CLTC: variants seen among roughly 807,000 people sequenced by gnomAD.
CLTC encodes clathrin heavy chain 1.
CLTC carries 16 observed loss-of-function variants against 195.8 expected under a neutral mutation model. The observed-to-expected ratio is 0.08, with a 90% CI of 0.06 to 0.12. The LOEUF (loss-of-function observed/expected upper bound fraction) is 0.12. CLTC is among the 10% of genes least tolerant of loss of function. The probability of loss-of-function intolerance (pLI) is 1.00; values close to 1 mark genes in which losing one functional copy is unlikely to be tolerated. For synonymous variants in CLTC, 667 were observed against 689.4 expected, an observed-to-expected ratio of 0.97 and a Z score of 0.51; for missense variants, 796 against 2,027.0, an observed-to-expected ratio of 0.39 and a Z score of 11.66.
In CLTC at chr17:59,666,387, A is replaced by G; in HGVS notation, c.1783-93A>G. On this transcript the variant is annotated intron_variant, in intron 11 of 31. Transcript: ENST00000269122. The surrounding 1 kb of genome is among the most constrained non-coding windows in gnomAD (Gnocchi z 4.9). ...TTATAATATTCTTTTGTACTTTAACAGTTCACTATTAAACCTTAATCTGTA... is the reference window on the plus strand; with the variant it reads ...TTATAATATTCTTTTGTACTTTAACGGTTCACTATTAAACCTTAATCTGTA... The G allele has an allele frequency of 2.0e-6, 3 of 1,506,140 alleles. No individual in the cohort carries two copies. In the South Asian group the frequency reaches 3.7e-5, roughly 19 times the overall value. The allele number at this position is 1,506,140 out of a possible 1,614,324, so 93.3% of individuals were successfully genotyped here.
chr17:59,644,711 C>T (rs556800577), intron 2 of CLTC, among the ~76,000 whole-genome samples: 7 of 152,092 alleles, frequency 4.6e-5, no homozygotes, highest in Admixed American at 1.3e-4. Context: ...CCACCACAAC[C>T]AGCTAGTTTT....
chr17:59,644,217 T>C lies in CLTC; in HGVS notation c.43-59T>C. On this transcript the variant is annotated intron_variant, in intron 1 of 31. Coordinates refer to ENST00000269122, the MANE Select transcript of CLTC (RefSeq NM_004859.4). ...GTGAGGATTTGTGTTGATGAGCATA[T>C]ATGAATGTCAAGTCTTTGGAATCCA... The C allele has an allele frequency of 3.7e-6, 5 of 1,361,190 alleles. No individual in the cohort carries two copies. The South Asian group carries it at 6.1e-5, about 17-fold the overall frequency. The allele number at this position is 1,361,190 out of a possible 1,614,324, so 84.3% of individuals were successfully genotyped here. A position where few individuals can be genotyped will look rare whatever the true frequency, so the allele number is the denominator to read the frequency against.
rs1206434603 is a variant in CLTC, at chr17:59,647,632, A to G, written c.485A>G (p.Gln162Arg). ...QIINYRTDAK[Q>R]KWLLLTGISA... ...ATCAATTACCGTACAGATGCAAAAC[A>G]AAAGTGGTTACTTCTGACTGGTATA... Residue 162 changes from glutamine (Q) to arginine (R), a missense_variant, in exon 3 of 32, where the codon CAA becomes CGA. Transcript: ENST00000269122. 7.4e-6 allele frequency: 12 copies of G among 1,614,108 alleles called. No individual in the cohort carries two copies. Among genetic ancestry groups the G allele is most frequent in the African/African-American group, 1.3e-5 (1 of 75,046 alleles).
intron 1 of CLTC, among the ~76,000 whole-genome samples, chr17:59,629,987 A>G (rs1418386404): frequency 6.6e-6 from 1 of 152,146 alleles, no homozygotes; most frequent in African/African-American, 2.4e-5. Context: ...ATGCATATGC[A>G]GAGTTTAAAT....
Position 59,695,925 on chromosome 17 carries a change from T to C in CLTC, c.*2073T>C, listed in dbSNP as rs553890661. 3 of 203,772 alleles carry C rather than the reference T, an allele frequency of 1.5e-5. No individual in the cohort carries two copies. Among genetic ancestry groups the C allele is most frequent in the African/African-American group, 6.8e-5 (3 of 43,822 alleles). 12.6% of individuals were successfully genotyped at this position (203,772 alleles called of 1,614,324 possible). On this transcript the variant is annotated 3_prime_UTR_variant, in exon 32 of 32. Coordinates refer to ENST00000269122, the MANE Select transcript of CLTC (RefSeq NM_004859.4). ...GTATACTTTGAAAACTATAAGATTATGAGTTCTATAAAATACCAAGTACAG... is the reference window on the plus strand; with the variant it reads ...GTATACTTTGAAAACTATAAGATTACGAGTTCTATAAAATACCAAGTACAG...
rs2033443154 is a variant in CLTC at position 59,696,948 on chromosome 17, C to G, written c.*3096C>G. 1 of 197,512 alleles carries G rather than the reference C, an allele frequency of 5.1e-6. No individual in the cohort carries two copies. Among genetic ancestry groups the G allele is most frequent in the South Asian group, 1.7e-4 (1 of 5,726 alleles). 12.2% of individuals were successfully genotyped at this position (197,512 alleles called of 1,614,324 possible). On this transcript the variant is annotated 3_prime_UTR_variant, in exon 32 of 32. Transcript: ENST00000269122. Reference sequence around the variant, plus strand: ...CACTGCACAGTAGGTTGTATCAATGCTATAAAACTCAACCTGGAGACAAAA... The same window carrying G: ...CACTGCACAGTAGGTTGTATCAATGGTATAAAACTCAACCTGGAGACAAAA...
Position 59,683,219 on chromosome 17 carries a change from G to A in CLTC, c.3998G>A (p.Arg1333Lys). ...LYSKFKPQKM[R>K]EHLELFWSRV... ...TCTAAATTTAAGCCTCAGAAAATGAGGGAGCACCTGGAGCTGTTCTGGTCT... is the reference window on the plus strand; with the variant it reads ...TCTAAATTTAAGCCTCAGAAAATGAAGGAGCACCTGGAGCTGTTCTGGTCT... Residue 1333 changes from arginine (R) to lysine (K), a missense_variant, in exon 25 of 32, where the codon AGG (arginine) becomes AAG (lysine). By Grantham distance (26) the Arg-to-Lys change is conservative. This residue lies in a region of CLTC where 102 missense variants were observed against 317.6 expected (regional missense o/e 0.32). Coordinates refer to ENST00000269122, the MANE Select transcript of CLTC (RefSeq NM_004859.4). The surrounding 1 kb of genome is among the most constrained non-coding windows in gnomAD (Gnocchi z 6.1). 1 of 1,614,156 alleles carries A rather than the reference G, an allele frequency of 6.2e-7. No homozygotes were observed. Among genetic ancestry groups the A allele is most frequent in the Non-Finnish European group, 8.5e-7 (1 of 1,180,006 alleles).
chr17:59,641,983 A>T (rs143746648), intron 1 of CLTC, among the ~76,000 whole-genome samples: 62 of 148,820 alleles, frequency 4.2e-4, no homozygotes, highest in African/African-American at 1.5e-3. Flanking sequence ...CCAAGGTGCC[A>T]GGCCAAATCT....
rs2033391587 is a variant in CLTC at position 59,695,159 on chromosome 17, T to A, written c.*1307T>A. The A allele has an allele frequency of 5.0e-6, 1 of 201,614 alleles. No homozygotes were observed. Among genetic ancestry groups the A allele is most frequent in the Non-Finnish European group, 1.0e-5 (1 of 97,896 alleles). 12.5% of individuals were successfully genotyped at this position (201,614 alleles called of 1,614,324 possible). On this transcript the variant is annotated 3_prime_UTR_variant, in exon 32 of 32. Coordinates refer to ENST00000269122, the MANE Select transcript of CLTC (RefSeq NM_004859.4). ...ATGAATTATAAAGGTGCCCAAATTATGGGTATCTTGATTTTTTTCAAAAAT... is the reference window on the plus strand; with the variant it reads ...ATGAATTATAAAGGTGCCCAAATTAAGGGTATCTTGATTTTTTTCAAAAAT...
intron 5 of CLTC, among the ~76,000 whole-genome samples, chr17:59,653,259 T>C (rs1399544301): frequency 6.6e-6 from 1 of 151,884 alleles, no homozygotes; most frequent in African/African-American, 2.4e-5. Context: ...AGTGGTGCGA[T>C]CTCGGCTCAC....
chr17:59,645,037 T>G (rs2032153880), intron 2 of CLTC, among the ~76,000 whole-genome samples: 1 of 152,246 alleles, frequency 6.6e-6, no homozygotes, highest in Non-Finnish European at 1.5e-5. Context: ...ATTTTAAGTT[T>G]TAGAATAAAT....
chr17:59,626,809 T>C (rs1262545886), intron 1 of CLTC, among the ~76,000 whole-genome samples: 1 of 152,222 alleles, frequency 6.6e-6, no homozygotes, highest in Non-Finnish European at 1.5e-5. Flanking sequence ...CCTAAATGTG[T>C]TATGCAAAAC....
chr17:59,668,584 T>C (rs1013537513), intron 13 of CLTC, among the ~76,000 whole-genome samples, 193 bp from the exon 14 acceptor site: 1 of 152,196 alleles, frequency 6.6e-6, no homozygotes, highest in African/African-American at 2.4e-5. Context: ...TTGAATTGTC[T>C]ATTCTTCAGG....
chr17:59,630,677 A>G (rs1262262699), intron 1 of CLTC, among the ~76,000 whole-genome samples: 1 of 152,254 alleles, frequency 6.6e-6, no homozygotes, highest in Non-Finnish European at 1.5e-5. Context: ...ACAATAAAGG[A>G]CCGTTTGTTT....
chr17:59,627,798 C>G (rs556700505), intron 1 of CLTC, among the ~76,000 whole-genome samples: 1 of 152,202 alleles, frequency 6.6e-6, no homozygotes, highest in African/African-American at 2.4e-5. Context: ...ACTTGTCACA[C>G]TTTTCTATAG....
At chr17:59,662,624 T>C (rs765147622) in intron 8 of CLTC, among the ~76,000 whole-genome samples, 9 of 152,238 alleles carry the variant, frequency 5.9e-5, no homozygotes, top group Non-Finnish European at 1.3e-4. Flanking sequence ...TAGGACTGTT[T>C]TTATATTATT....
chr17:59,675,533 G>T (rs1239512163), intron 16 of CLTC, among the ~76,000 whole-genome samples: 1 of 152,080 alleles, frequency 6.6e-6, no homozygotes, highest in East Asian at 1.9e-4. Context: ...TGATATAGGT[G>T]ATCTACTAAT....
Position 59,647,382 on chromosome 17 carries a change from T to C in CLTC, c.251-16T>C. ...TTACTCTTTTAATGATTTATAATTC[T>C]TGATTTTGTTTTTAGCTGGGAAAAC... On this transcript the variant is annotated splice_polypyrimidine_tract_variant and intron_variant, in intron 2 of 31. Transcript: ENST00000269122. The C allele has an allele frequency of 6.3e-7, 1 of 1,593,366 alleles. No homozygotes were observed. The highest frequency in any genetic ancestry group is 1.7e-5 in the Admixed American group (1 of 59,294).
At chr17:59,692,688 G>A (rs968297807) in intron 31 of CLTC, among the ~76,000 whole-genome samples, 3 of 152,126 alleles carry the variant, frequency 2.0e-5, no homozygotes, top group Non-Finnish European at 4.4e-5. Flanking sequence ...CCAGGCTGGA[G>A]TGCAGTGGCG....
Sources: allele counts gnomAD v4.1 joint callset (sites outside exome capture counted in the v4.1 genomes callset), GRCh38; gene constraint gnomAD v4.1.1; regional missense constraint gnomAD v4.1.1; non-coding constraint Gnocchi (gnomAD v3.1); transcripts MANE v1.5; gene names NCBI Gene and HGNC (gene_info 2026-07-23, HGNC 2026-07-21).